Variants in FGD4 observed in about 807,000 individuals in gnomAD.
FGD4 encodes FYVE, RhoGEF and PH domain containing 4, also known as FYVE, RhoGEF and PH domain-containing protein 4.
A neutral mutation model predicts 102.0 loss-of-function variants in FGD4; 42 were observed. The observed-to-expected ratio is 0.41, with a 90% CI of 0.32 to 0.53. FGD4 has a LOEUF of 0.53. Among genes scored for constraint, FGD4 ranks in the 20% least tolerant of loss-of-function variants. The probability of loss-of-function intolerance (pLI) is 0.21; values close to 1 mark genes in which losing one functional copy is unlikely to be tolerated. For synonymous variants in FGD4, 380 were observed against 375.7 expected (o/e 1.01, Z -0.13); for missense variants, 902 against 1,078.2 (o/e 0.84, Z 2.29).
At chr12:32,466,423 G>A (rs1432413469) in intron 1 of FGD4, among the ~76,000 whole-genome samples, 2 of 152,128 alleles carry the variant, frequency 1.3e-5, no homozygotes, top group Admixed American at 1.3e-4. Flanking sequence ...ATTTGCTGGG[G>A]AATTTGCTCT....
chr12:32,582,488 A>G (rs897836044), intron 4 of FGD4, 21 bp downstream of exon 4: 1 of 1,603,710 alleles, frequency 6.2e-7, no homozygotes, highest in African/African-American at 1.3e-5. Context: ...AGACTAGCTC[A>G]TGAGCAGGGA....
chr12:32,433,023 G>T (rs372253293), intron 1 of FGD4, among the ~76,000 whole-genome samples: 134 of 151,138 alleles, frequency 8.9e-4, no homozygotes, highest in African/African-American at 3.2e-3. Context: ...TTGAGACAAG[G>T]TCTCACTCTG....
chr12:32,582,106 ATAAGACTCAGG>A lies in FGD4; in HGVS notation c.651_661del (p.Asp217GlufsTer20), dbSNP rs1946662260. On this transcript the variant is annotated frameshift_variant, in exon 4 of 17. Coordinates refer to ENST00000534526, the MANE Select transcript of FGD4 (RefSeq NM_001370298.3). LOFTEE classifies it high-confidence loss of function. Reference sequence around the variant, plus strand: ...CCACAGAGGCAGGGAAATGATACAGATAAGACTCAGGGTGCACAGACTTGTGTGGCCAACGG... The same window carrying A: ...CCACAGAGGCAGGGAAATGATACAGAGTGCACAGACTTGTGTGGCCAACGG... 6.2e-7 allele frequency: 1 copy of A among 1,614,082 alleles called. No individual in the cohort carries two copies. The highest frequency in any genetic ancestry group is 8.5e-7 in the Non-Finnish European group (1 of 1,180,044).
intron 1 of FGD4, among the ~76,000 whole-genome samples, chr12:32,517,815 G>A (rs1295873289): frequency 6.6e-6 from 1 of 152,124 alleles, no homozygotes; most frequent in African/African-American, 2.4e-5. Flanking sequence ...GAGCCTGAAA[G>A]GTTGAGGCTG....
intron 1 of FGD4, among the ~76,000 whole-genome samples, chr12:32,447,946 G>T (rs776496937): frequency 6.6e-6 from 1 of 152,210 alleles, no homozygotes; most frequent in East Asian, 1.9e-4. Flanking sequence ...GAGGCAGAAG[G>T]TGTATATTTT....
At chr12:32,576,847 T>G (rs909532526) in intron 3 of FGD4, among the ~76,000 whole-genome samples, 10 of 152,258 alleles carry the variant, frequency 6.6e-5, no homozygotes, top group Non-Finnish European at 1.2e-4. Context: ...ACTTTGTATG[T>G]TTGTGAATGT....
chr12:32,553,029 G>A (rs945805389), intron 1 of FGD4, among the ~76,000 whole-genome samples: 3 of 149,182 alleles, frequency 2.0e-5, no homozygotes, highest in African/African-American at 7.4e-5. Flanking sequence ...CCCTACCTCA[G>A]GTGATCCACC....
chr12:32,587,711 C>G (rs752868117), intron 4 of FGD4, among the ~76,000 whole-genome samples: 6 of 152,162 alleles, frequency 3.9e-5, no homozygotes, highest in Non-Finnish European at 5.9e-5. Context: ...ACAAACTCTC[C>G]AGGCCATGGC....
At chr12:32,445,945 T>C (rs1057061337) in intron 1 of FGD4, among the ~76,000 whole-genome samples, 8 of 152,150 alleles carry the variant, frequency 5.3e-5, no homozygotes, top group Non-Finnish European at 8.8e-5. Flanking sequence ...GGTGGGCAGA[T>C]TGTTTAAGTC....
intron 1 of FGD4, among the ~76,000 whole-genome samples, chr12:32,559,228 C>T (rs565078748): frequency 6.6e-6 from 1 of 152,192 alleles, no homozygotes; most frequent in East Asian, 1.9e-4. Context: ...CAAAAAGTTT[C>T]AGTTTTTGTT....
intron 1 of FGD4, among the ~76,000 whole-genome samples, chr12:32,480,038 T>C (rs571526355): frequency 6.6e-6 from 1 of 152,220 alleles, no homozygotes; most frequent in South Asian, 2.1e-4. Flanking sequence ...GTGATCTGCC[T>C]GCCTCAGCCT....
Position 32,542,862 on chromosome 12 carries a change from T to C in FGD4, c.167-21275T>C, listed in dbSNP as rs559810491. 1.1e-4 allele frequency among the ~76,000 whole-genome samples: 17 copies of C among 152,306 alleles called. No individual in the cohort carries two copies. The East Asian group carries it at 2.9e-3, about 26-fold the overall frequency. ...ACTGGTGACTTTTCATATAAGGGGA[T>C]GTCTAGGTTGTTTTTGGTAGTGATA... On this transcript the variant is annotated intron_variant, in intron 1 of 16. Coordinates refer to ENST00000534526, the MANE Select transcript of FGD4 (RefSeq NM_001370298.3).
chr12:32,459,003 C>T (rs993205631), intron 1 of FGD4, among the ~76,000 whole-genome samples: 2 of 152,092 alleles, frequency 1.3e-5, no homozygotes, highest in African/African-American at 4.8e-5. Context: ...CAATCCTTTC[C>T]TCATGTAACT....
intron 1 of FGD4, among the ~76,000 whole-genome samples, chr12:32,497,564 A>G (rs1937897407): frequency 6.6e-6 from 1 of 152,104 alleles, no homozygotes; most frequent in South Asian, 2.1e-4. Flanking sequence ...AGGAGAGGTA[A>G]TTTGAGTCTG....
chr12:32,425,446 A>T (rs1157898961), intron 1 of FGD4, among the ~76,000 whole-genome samples: 4 of 152,200 alleles, frequency 2.6e-5, no homozygotes, highest in Non-Finnish European at 2.9e-5. Flanking sequence ...CTGTTTCAGT[A>T]CCAGTACCAT....
At chr12:32,404,527 A>G (rs1419814676) in intron 1 of FGD4, among the ~76,000 whole-genome samples, 1 of 152,146 alleles carries the variant, frequency 6.6e-6, no homozygotes, top group Non-Finnish European at 1.5e-5. Context: ...AGAAAGTCCT[A>G]TTGCAGTACC....
chr12:32,422,084 C>G (rs1290898055), intron 1 of FGD4, among the ~76,000 whole-genome samples: 2 of 149,210 alleles, frequency 1.3e-5, no homozygotes, highest in East Asian at 4.0e-4. Flanking sequence ...GCTGAGCTTG[C>G]AGTGAGCCGA....
chr12:32,528,147 G>T (rs939228120), intron 1 of FGD4, among the ~76,000 whole-genome samples: 3 of 151,780 alleles, frequency 2.0e-5, no homozygotes, highest in African/African-American at 7.3e-5. Context: ...ATGTTGTCCA[G>T]CCTGGTCTCA....
chr12:32,531,392 C>T (rs1226183740), intron 1 of FGD4, among the ~76,000 whole-genome samples: 1 of 152,170 alleles, frequency 6.6e-6, no homozygotes, highest in African/African-American at 2.4e-5. Context: ...CATATAACCA[C>T]CACCACCACA....
Sources: gnomAD v4.1 joint callset for allele counts (sites outside exome capture counted in the v4.1 genomes callset) on GRCh38, gnomAD v4.1.1 for gene constraint, MANE v1.5 for transcripts, NCBI Gene and HGNC (gene_info 2026-07-23, HGNC 2026-07-21) for gene names.